TANC2: variants seen among roughly 807,000 people sequenced by gnomAD.
The protein encoded by TANC2 is tetratricopeptide repeat, ankyrin repeat and coiled-coil containing 2, also known as protein TANC2.
A neutral mutation model predicts 210.5 loss-of-function variants in TANC2; 26 were observed. That is an observed-to-expected ratio of 0.12 (90% CI 0.09 to 0.17). The LOEUF (loss-of-function observed/expected upper bound fraction) is 0.17, where lower values mean the gene tolerates loss of function less well. Among genes scored for constraint, TANC2 ranks in the 10% least tolerant of loss-of-function variants. TANC2 has a pLI of 1.00. For synonymous variants in TANC2, 931 were observed against 967.1 expected, an observed-to-expected ratio of 0.96 and a Z score of 0.69; for missense variants, 2,129 against 2,608.9, an observed-to-expected ratio of 0.82 and a Z score of 4.01.
intron 1 of TANC2, among the ~76,000 whole-genome samples, chr17:62,991,651 A>C (rs190030366): frequency 1.8e-3 from 269 of 151,994 alleles, no homozygotes; most frequent in African/African-American, 5.5e-3. Context: ...AAAAAAAAAA[A>C]AACAAAAAAA....
exon 8 of TANC2, chr17:63,237,826 G>A (rs1209899492): frequency 1.1e-5 from 17 of 1,545,148 alleles, no homozygotes; most frequent in Non-Finnish European, 1.3e-5. Flanking sequence ...ACATTAACAA[G>A]CTATTCTGAA....
intron 4 of TANC2, among the ~76,000 whole-genome samples, chr17:63,122,443 A>G (rs2038520939): frequency 6.6e-6 from 1 of 152,204 alleles, no homozygotes; most frequent in South Asian, 2.1e-4. Context: ...ACTCCAGAAG[A>G]TATGGAAACA....
chr17:63,298,223 A>T (rs1480459794), intron 9 of TANC2, among the ~76,000 whole-genome samples: 3 of 152,224 alleles, frequency 2.0e-5, no homozygotes, highest in Non-Finnish European at 4.4e-5. Flanking sequence ...CAAAGAATTG[A>T]AAACAGGTGC....
At chr17:63,174,695 G>A (rs926346572) in intron 5 of TANC2, among the ~76,000 whole-genome samples, 3 of 152,066 alleles carry the variant, frequency 2.0e-5, no homozygotes, top group Admixed American at 1.3e-4. Context: ...TATGTTAGCA[G>A]AGCAATATAT....
At chr17:63,010,992 G>T (rs1052794216) in intron 2 of TANC2, among the ~76,000 whole-genome samples, 3 of 152,078 alleles carry the variant, frequency 2.0e-5, no homozygotes, top group African/African-American at 7.2e-5. Context: ...CATTGGTGAT[G>T]AACTCAACCT....
chr17:63,337,022 A>G (rs2046054533), intron 11 of TANC2, among the ~76,000 whole-genome samples: 1 of 152,222 alleles, frequency 6.6e-6, no homozygotes, highest in African/African-American at 2.4e-5. Context: ...TTCTATTTTT[A>G]TACAGAGGGA....
At chr17:63,068,645 A>G (rs1568359768) in intron 2 of TANC2, among the ~76,000 whole-genome samples, 1 of 152,210 alleles carries the variant, frequency 6.6e-6, no homozygotes, top group Non-Finnish European at 1.5e-5. Flanking sequence ...ATTTCAAAAC[A>G]TAAGTATTAA....
At chr17:62,977,463 G>A (rs995789056) in intron 1 of TANC2, among the ~76,000 whole-genome samples, 5 of 152,048 alleles carry the variant, frequency 3.3e-5, no homozygotes, top group African/African-American at 1.2e-4. Flanking sequence ...GGATTGTTTT[G>A]AATTTTAAAA....
rs117040793 is a variant in TANC2, at chr17:63,024,493, G to C, written c.67+14867G>C. Among the ~76,000 whole-genome samples the C allele has an allele frequency of 5.8e-3, 877 of 152,164 alleles. 6 individuals are homozygous for C. Among genetic ancestry groups the C allele is most frequent in the Non-Finnish European group, 7.6e-3 (519 of 68,000 alleles). On this transcript the variant is annotated intron_variant, in intron 2 of 27. Coordinates refer to ENST00000689528, the Ensembl canonical transcript of TANC2. The stretch of plus-strand genomic sequence containing the variant: ...GTGGGTTTGGGCCGGCATCTTTACT[G>C]CACCCTGTTTTGTCAGCATGGTCTT...
chr17:63,312,322 A>G (rs1473712732), intron 9 of TANC2, among the ~76,000 whole-genome samples: 1 of 152,230 alleles, frequency 6.6e-6, no homozygotes, highest in Non-Finnish European at 1.5e-5. Context: ...CTAGGTGCCC[A>G]TCAGTGGTGG....
intron 4 of TANC2, among the ~76,000 whole-genome samples, chr17:63,139,348 C>T (rs184872838): frequency 1.2e-3 from 180 of 152,222 alleles, no homozygotes; most frequent in Non-Finnish European, 1.3e-3. Context: ...AGAGTTTGGC[C>T]GGGTGCAGTG....
intron 4 of TANC2, among the ~76,000 whole-genome samples, chr17:63,118,079 G>C (rs1435633900): frequency 1.3e-5 from 2 of 152,096 alleles, no homozygotes; most frequent in Non-Finnish European, 2.9e-5. Context: ...CTGTTAGATT[G>C]CAATTCCAGA....
intron 7 of TANC2, among the ~76,000 whole-genome samples, chr17:63,215,437 A>T (rs1657623708): frequency 6.6e-6 from 1 of 152,172 alleles, no homozygotes; most frequent in Non-Finnish European, 1.5e-5. Context: ...AGGCCCCTAG[A>T]TAGCTTCAGG....
Position 63,317,423 on chromosome 17 carries a change from TCCA to T in TANC2, c.1442-1518_1442-1516del, listed in dbSNP as rs1169928492. Among the ~76,000 whole-genome samples, 3 of 149,998 alleles carry T rather than the reference TCCA, an allele frequency of 2.0e-5. No individual in the cohort carries two copies. The East Asian group carries it at 5.9e-4, about 29-fold the overall frequency. On this transcript the variant is annotated intron_variant, in intron 10 of 27. Coordinates refer to ENST00000689528, the Ensembl canonical transcript of TANC2. Reference sequence around the variant, plus strand: ...CCCAAACCTGACACCCCCATCAGTCTCCACCACCACCACCACCATTATCCACAC... The same window carrying T: ...CCCAAACCTGACACCCCCATCAGTCTCCACCACCACCACCATTATCCACAC...
exon 28 of TANC2, chr17:63,423,863 G>A (rs1310885421): frequency 6.6e-6 from 1 of 152,308 alleles, no homozygotes; most frequent in Non-Finnish European, 1.5e-5. Context: ...GTGGGCATCA[G>A]CGACGCCTTC....
chr17:63,314,616 A>T, exon 10 of TANC2: 6 of 1,614,022 alleles, frequency 3.7e-6, no homozygotes, highest in Non-Finnish European at 5.1e-6. Context: ...CTCAGCTGCC[A>T]TGGTACAAGG....
chr17:63,083,391 C>G (rs1168342294), intron 3 of TANC2, among the ~76,000 whole-genome samples: 1 of 152,090 alleles, frequency 6.6e-6, no homozygotes, highest in African/African-American at 2.4e-5. Context: ...CTTGCCCAGT[C>G]ACCACTACCA....
At chr17:63,062,211 T>G (rs1273398099) in intron 2 of TANC2, among the ~76,000 whole-genome samples, 1 of 152,176 alleles carries the variant, frequency 6.6e-6, no homozygotes, top group African/African-American at 2.4e-5. Flanking sequence ...TAAAATTAGT[T>G]TACCCAAGTA....
chr17:63,198,124 A>C (rs2041406501), intron 6 of TANC2, among the ~76,000 whole-genome samples: 6 of 152,198 alleles, frequency 3.9e-5, no homozygotes, highest in Admixed American at 3.9e-4. Context: ...AAAGAACAGA[A>C]TGAGAATCTT....
Sources: allele counts gnomAD v4.1 joint callset (sites outside exome capture counted in the v4.1 genomes callset), GRCh38; gene constraint gnomAD v4.1.1; transcripts MANE v1.5; gene names NCBI Gene and HGNC (gene_info 2026-07-23, HGNC 2026-07-21).